DIAPH2: variants seen among roughly 807,000 people sequenced by gnomAD.
The protein encoded by DIAPH2 is diaphanous related formin 2, also known as protein diaphanous homolog 2.
A neutral mutation model predicts 92.7 loss-of-function variants in DIAPH2; 35 were observed. The observed-to-expected ratio is 0.38, with a 90% CI of 0.29 to 0.50. DIAPH2 has a LOEUF of 0.50. Ranked by LOEUF, DIAPH2 falls within the 20% of genes least tolerant of loss-of-function variation. The probability of loss-of-function intolerance (pLI) is 0.94; values close to 1 mark genes in which losing one functional copy is unlikely to be tolerated. For missense variants in DIAPH2, 701 were observed against 819.5 expected, an observed-to-expected ratio of 0.86 and a Z score of 1.77; for synonymous variants, 301 against 280.4, an observed-to-expected ratio of 1.07 and a Z score of -0.73.
chrX:97,339,715 G>A (rs1450430566), intron 23 of DIAPH2, among the ~76,000 whole-genome samples: 1 of 111,950 alleles, frequency 8.9e-6, no homozygotes, highest in Non-Finnish European at 1.9e-5. Context: ...TTCTGTTAGG[G>A]AGAAGATGAT....
intron 17 of DIAPH2, among the ~76,000 whole-genome samples, chrX:96,976,646 C>T (rs1255712522): frequency 9.1e-6 from 1 of 110,426 alleles, no homozygotes; most frequent in Non-Finnish European, 1.9e-5. Flanking sequence ...AGATACATGA[C>T]GTTGTTTAAG....
intron 26 of DIAPH2, among the ~76,000 whole-genome samples, chrX:97,566,735 C>T (rs865991807): frequency 9.0e-6 from 1 of 111,215 alleles, no homozygotes; most frequent in Middle Eastern, 4.2e-3. Context: ...CAGGTAGCGA[C>T]ATATATGTAT....
chrX:97,539,510 A>G (rs867657217), intron 26 of DIAPH2, among the ~76,000 whole-genome samples: 23 of 112,439 alleles, frequency 2.0e-4, no homozygotes, highest in African/African-American at 7.4e-4. Flanking sequence ...ATACCAGCCT[A>G]TGTCATTTTC....
At chrX:97,376,820 C>T (rs941120929) in intron 24 of DIAPH2, among the ~76,000 whole-genome samples, 1 of 111,824 alleles carries the variant, frequency 8.9e-6, no homozygotes, top group Non-Finnish European at 1.9e-5. Context: ...TTAGACTATA[C>T]GGTATACGTA....
chrX:96,772,859 A>G (rs1439819219), intron 4 of DIAPH2, among the ~76,000 whole-genome samples: 1 of 112,725 alleles, frequency 8.9e-6, no homozygotes, highest in African/African-American at 3.2e-5. Context: ...TGCTTGTGCA[A>G]TGTAACTCTT....
rs191892928 is a variant in DIAPH2 at position 97,474,538 on chromosome X, G to A, written c.3241+44793G>A. Among the ~76,000 whole-genome samples the A allele has an allele frequency of 4.3e-3, 476 of 111,701 alleles. 3 individuals are homozygous for A. Among genetic ancestry groups the A allele is most frequent in the Non-Finnish European group, 7.3e-3 (385 of 53,056 alleles). On this transcript the variant is annotated intron_variant, in intron 26 of 26. Coordinates refer to ENST00000324765, the MANE Select transcript of DIAPH2 (RefSeq NM_006729.5). ...CCAGCACTTTGGGAGGCCGAGGCGG[G>A]TAGATCACCTGAGGTGAGGAGTTCG...
At chrX:97,195,597 G>T (rs747730218) in intron 22 of DIAPH2, among the ~76,000 whole-genome samples, 13 of 104,315 alleles carry the variant, frequency 1.2e-4, no homozygotes, top group African/African-American at 4.6e-4. Flanking sequence ...GGGGGTGGAG[G>T]TTGCAGTGAG....
intron 4 of DIAPH2, among the ~76,000 whole-genome samples, chrX:96,867,331 G>T (rs373191419): frequency 9.0e-6 from 1 of 110,908 alleles, no homozygotes; most frequent in South Asian, 3.9e-4. Flanking sequence ...CGATTCTCCT[G>T]CCTCAGCCTC....
chrX:97,126,758 G>C (rs1168040836), intron 21 of DIAPH2, among the ~76,000 whole-genome samples: 1 of 112,383 alleles, frequency 8.9e-6, no homozygotes, highest in Non-Finnish European at 1.9e-5. Context: ...TATCTATACT[G>C]TAAAGCTGCT....
At position 97,298,500 on chromosome X, in the gene DIAPH2, A is replaced by G. The variant is rs1423824254; in HGVS notation, c.2845-49616A>G. ...AACTCATTTGAATAGTCAGAAGTAT[A>G]GAAAGTCGTCATTAGGCAGCTCTTC... On this transcript the variant is annotated intron_variant, in intron 23 of 26. Coordinates refer to ENST00000324765, the MANE Select transcript of DIAPH2 (RefSeq NM_006729.5). Among the ~76,000 whole-genome samples the G allele has an allele frequency of 2.7e-5, 3 of 110,636 alleles. No homozygotes were observed. The East Asian group carries it at 8.5e-4, about 31-fold the overall frequency.
Position 96,864,257 on chromosome X carries a change from A to T in DIAPH2, c.448-17322A>T, listed in dbSNP as rs182032650. Among the ~76,000 whole-genome samples the T allele has an allele frequency of 1.6e-4, 17 of 107,553 alleles. No individual in the cohort carries two copies. In the East Asian group the frequency reaches 4.7e-3, roughly 30 times the overall value. The allele number at this position is 107,553 out of a possible 115,157, so 93.4% of individuals were successfully genotyped here. A position where few individuals can be genotyped will look rare whatever the true frequency, so the allele number is the denominator to read the frequency against. On this transcript the variant is annotated intron_variant, in intron 4 of 26. Coordinates refer to ENST00000324765, the MANE Select transcript of DIAPH2 (RefSeq NM_006729.5). ...GTGAAAGATTCCTAGAAGTAGCATT[A>T]TCAGGTCAAAAATAAGTCATACTTT...
At chrX:96,824,597 C>G (rs1258520841) in intron 4 of DIAPH2, among the ~76,000 whole-genome samples, 1 of 111,498 alleles carries the variant, frequency 9.0e-6, no homozygotes, top group Non-Finnish European at 1.9e-5. Context: ...TTCAATTTAT[C>G]TACAGATGTT....
chrX:97,146,161 T>A (rs1422066142), intron 22 of DIAPH2, among the ~76,000 whole-genome samples: 1 of 109,112 alleles, frequency 9.2e-6, no homozygotes, highest in African/African-American at 3.3e-5. Flanking sequence ...GTCTAACTTG[T>A]CTTGTTTACT....
intron 22 of DIAPH2, among the ~76,000 whole-genome samples, chrX:97,215,800 C>T (rs914843621): frequency 4.5e-5 from 5 of 111,888 alleles, no homozygotes; most frequent in African/African-American, 1.3e-4. Context: ...ATAAACATAT[C>T]GTTCATACAC....
chrX:96,962,418 C>CAG (rs2065864633), intron 16 of DIAPH2, among the ~76,000 whole-genome samples: 1 of 50,859 alleles, frequency 2.0e-5, no homozygotes, highest in Non-Finnish European at 3.6e-5. Flanking sequence ...TATATATATA[C>CAG]ACATATATAT....
chrX:97,494,591 A>T (rs1462176654), intron 26 of DIAPH2, among the ~76,000 whole-genome samples: 1 of 111,991 alleles, frequency 8.9e-6, no homozygotes, highest in Non-Finnish European at 1.9e-5. Flanking sequence ...CATTTGAGGA[A>T]GCAGCCACCC....
chrX:97,018,941 A>G (rs779892396), intron 17 of DIAPH2, among the ~76,000 whole-genome samples: 2 of 110,753 alleles, frequency 1.8e-5, no homozygotes, highest in Non-Finnish European at 3.8e-5. Context: ...CCTGACAACC[A>G]CTGGTCATTT....
At chrX:97,302,842 G>GGCGCGGTGTCGT in intron 23 of DIAPH2, among the ~76,000 whole-genome samples, 1 of 111,057 alleles carries the variant, frequency 9.0e-6, no homozygotes, top group Middle Eastern at 4.7e-3. Flanking sequence ...AAATTAGCCG[G>GGCGCGGTGTCGT]GCGCGGTGTC....
At chrX:97,509,829 G>A (rs2070871907) in intron 26 of DIAPH2, among the ~76,000 whole-genome samples, 1 of 110,361 alleles carries the variant, frequency 9.1e-6, no homozygotes, top group Admixed American at 9.7e-5. Flanking sequence ...CCCTAAAAAG[G>A]ACATGAACTC....
Sources: allele counts gnomAD v4.1 joint callset (sites outside exome capture counted in the v4.1 genomes callset), GRCh38; gene constraint gnomAD v4.1.1; transcripts MANE v1.5; gene names NCBI Gene and HGNC (gene_info 2026-07-23, HGNC 2026-07-21).